The following MMP16 variants were observed in gnomAD, a reference collection of about 807,000 sequenced individuals.
MMP16 encodes the protein matrix metalloproteinase-16.
MMP16 carries 12 observed loss-of-function variants against 67.8 expected under a neutral mutation model. That is an observed-to-expected ratio of 0.18 (90% CI 0.11 to 0.29). MMP16 has a LOEUF of 0.29. MMP16 is among the 10% of genes least tolerant of loss of function. The pLI is 1.00. For missense variants in MMP16, 475 were observed against 765.7 expected, an observed-to-expected ratio of 0.62 and a Z score of 4.48; for synonymous variants, 249 against 255.9, an observed-to-expected ratio of 0.97 and a Z score of 0.26.
intron 1 of MMP16, among the ~76,000 whole-genome samples, chr8:88,214,972 G>T (rs540222214): frequency 1.3e-4 from 19 of 151,998 alleles, no homozygotes; most frequent in Admixed American, 8.5e-4. Flanking sequence ...ATCTGAAAAG[G>T]TACCCTCAGA....
intron 7 of MMP16, among the ~76,000 whole-genome samples, chr8:88,069,930 T>C (rs1808523485): frequency 6.6e-6 from 1 of 152,144 alleles, no homozygotes; most frequent in Non-Finnish European, 1.5e-5. Flanking sequence ...TTCTTAGATT[T>C]TGTAACTTTG....
intron 4 of MMP16, among the ~76,000 whole-genome samples, chr8:88,157,831 C>T (rs997872748): frequency 6.6e-6 from 1 of 151,630 alleles, no homozygotes; most frequent in African/African-American, 2.4e-5. Context: ...ATCCCCCCAC[C>T]CCATGACAGG....
intron 1 of MMP16, among the ~76,000 whole-genome samples, chr8:88,230,864 G>A (rs1809849443): frequency 6.6e-6 from 1 of 152,120 alleles, no homozygotes; most frequent in Non-Finnish European, 1.5e-5. Flanking sequence ...TGAGTCATAT[G>A]AAGTTGCATA....
At chr8:88,147,161 T>A (rs891820301) in intron 4 of MMP16, among the ~76,000 whole-genome samples, 1 of 152,112 alleles carries the variant, frequency 6.6e-6, no homozygotes, top group African/African-American at 2.4e-5. Flanking sequence ...ATAATTTCCA[T>A]CTTTCTAAAA....
intron 1 of MMP16, among the ~76,000 whole-genome samples, chr8:88,215,031 T>G (rs2129828122): frequency 6.6e-6 from 1 of 152,292 alleles, no homozygotes; most frequent in African/African-American, 2.4e-5. Flanking sequence ...AAATTTAAAT[T>G]AAGAAGTGGC....
intron 1 of MMP16, among the ~76,000 whole-genome samples, chr8:88,269,767 A>C (rs975984232): frequency 6.6e-6 from 1 of 152,140 alleles, no homozygotes; most frequent in Admixed American, 6.5e-5. Flanking sequence ...TTGCTCTACG[A>C]CCTATTAAAA....
intron 1 of MMP16, among the ~76,000 whole-genome samples, chr8:88,315,889 G>T (rs1352422177): frequency 1.3e-5 from 2 of 152,152 alleles, no homozygotes; most frequent in East Asian, 3.9e-4. Flanking sequence ...AAATGCAAGG[G>T]AAAAGTTTCT....
chr8:88,058,958 A>G lies in MMP16; in HGVS notation c.1223-2680T>C, dbSNP rs945859949. ...TAGGCATTGCCAAGGGAAATAAAAT[A>G]AAGATAATATTAAGAATGATCTTCA... On this transcript the variant is annotated intron_variant, in intron 7 of 9. Transcript: ENST00000286614. This position sits in a 1 kb window ranked among gnomAD's most constrained non-coding sequence, Gnocchi z 4.2. 1.3e-5 allele frequency among the ~76,000 whole-genome samples: 2 copies of G among 152,130 alleles called. No individual in the cohort carries two copies. Among genetic ancestry groups the G allele is most frequent in the Non-Finnish European group, 2.9e-5 (2 of 68,004 alleles).
rs1809155539 is a variant in MMP16, at chr8:88,190,628, A to T, written c.282-4030T>A. 2.0e-5 allele frequency among the ~76,000 whole-genome samples: 3 copies of T among 152,226 alleles called. No individual in the cohort carries two copies. In the South Asian group the frequency reaches 6.2e-4, roughly 31 times the overall value. On this transcript the variant is annotated intron_variant, in intron 2 of 9. Transcript: ENST00000286614. ...ACCAAAATGTTAGTAGCATTCAAAT[A>T]TCAATTTGATAAATCCCATATATAC... is the stretch of plus-strand genomic sequence containing the variant.
intron 2 of MMP16, among the ~76,000 whole-genome samples, chr8:88,186,953 C>T (rs1325775514): frequency 6.6e-6 from 1 of 152,062 alleles, no homozygotes; most frequent in Non-Finnish European, 1.5e-5. Context: ...ATTCCTAGTG[C>T]TACTCATAAA....
At chr8:88,051,544 C>A (rs1420843665) in intron 8 of MMP16, among the ~76,000 whole-genome samples, 1 of 152,044 alleles carries the variant, frequency 6.6e-6, no homozygotes, top group Non-Finnish European at 1.5e-5. Context: ...AGTCCCATTC[C>A]TCAGAATCAG....
chr8:88,097,369 C>T (rs1003193316), intron 6 of MMP16, among the ~76,000 whole-genome samples: 1 of 151,582 alleles, frequency 6.6e-6, no homozygotes, highest in African/African-American at 2.4e-5. Flanking sequence ...CCTCTAATCC[C>T]CAAATACTAA....
At chr8:88,270,595 CAA>C (rs963585349) in intron 1 of MMP16, among the ~76,000 whole-genome samples, 4 of 152,082 alleles carry the variant, frequency 2.6e-5, no homozygotes, top group African/African-American at 9.7e-5. Context: ...CAGTAGTAAG[CAA>C]AAGAGATAAG....
chr8:88,177,781 G>A (rs147131142), intron 3 of MMP16, among the ~76,000 whole-genome samples: 116 of 152,170 alleles, frequency 7.6e-4, no homozygotes, highest in Non-Finnish European at 1.2e-3. Context: ...AAGCCTAATA[G>A]ACTTGTCAGA....
rs1401375368 is a variant in MMP16, at chr8:88,037,018, A to G, written c.*4443T>C. ...TAACTCAGTCTGTCTGTCTGCTTAT[A>G]ACATCCATTCCTCTTCAGATAGCAC... On this transcript the variant is annotated 3_prime_UTR_variant, in exon 10 of 10. Coordinates refer to ENST00000286614, the MANE Select transcript of MMP16 (RefSeq NM_005941.5). 1.3e-5 allele frequency: 2 copies of G among 151,410 alleles called. No homozygotes were observed. The highest frequency in any genetic ancestry group is 4.8e-5 in the African/African-American group (2 of 41,264). The allele number at this position is 151,410 out of a possible 1,614,324, so 9.4% of individuals were successfully genotyped here.
At chr8:88,181,298 C>T (rs1229415615) in intron 3 of MMP16, among the ~76,000 whole-genome samples, 1 of 151,790 alleles carries the variant, frequency 6.6e-6, no homozygotes, top group Non-Finnish European at 1.5e-5. Context: ...CCAATAACAA[C>T]AAAAAATCTC....
intron 1 of MMP16, among the ~76,000 whole-genome samples, chr8:88,203,097 A>G (rs1325633921): frequency 1.5e-5 from 2 of 136,222 alleles, no homozygotes; most frequent in East Asian, 2.3e-4. Flanking sequence ...ACAAAATACC[A>G]GAACTTCTTT....
At chr8:88,103,481 C>T (rs1267258795) in intron 6 of MMP16, among the ~76,000 whole-genome samples, 1 of 151,894 alleles carries the variant, frequency 6.6e-6, no homozygotes, top group South Asian at 2.1e-4. Context: ...GAGTAAGGAA[C>T]GTTGTCATAG....
At chr8:88,292,316 C>T (rs978932947) in intron 1 of MMP16, among the ~76,000 whole-genome samples, 9 of 152,012 alleles carry the variant, frequency 5.9e-5, no homozygotes, top group African/African-American at 2.2e-4. Context: ...TTATGGATCC[C>T]CTTGAGAATC....
Sources: allele counts gnomAD v4.1 joint callset (sites outside exome capture counted in the v4.1 genomes callset), GRCh38; gene constraint gnomAD v4.1.1; non-coding constraint Gnocchi (gnomAD v3.1); transcripts MANE v1.5; gene names NCBI Gene and HGNC (gene_info 2026-07-23, HGNC 2026-07-21).